Variants in RNF152 observed in about 807,000 individuals in gnomAD.
RNF152 encodes E3 ubiquitin-protein ligase RNF152.
RNF152 carries 11 observed loss-of-function variants against 12.7 expected under a neutral mutation model. The ratio of observed to expected loss-of-function variants is 0.86; its 90% CI spans 0.54 to 1.43. The LOEUF is 1.43. RNF152 is among the 40% of genes most tolerant of loss of function. RNF152 has a pLI of 0.00. For synonymous variants in RNF152, 113 were observed against 120.3 expected (o/e 0.94, Z 0.40); for missense variants, 255 against 274.8 (o/e 0.93, Z 0.51).
intron 1 of RNF152, among the ~76,000 whole-genome samples, chr18:61,858,434 C>T (rs2144710370): frequency 6.6e-6 from 1 of 152,210 alleles, no homozygotes; most frequent in East Asian, 1.9e-4. Context: ...CCTATCTCCC[C>T]TGCAACCGTA....
chr18:61,849,826 C>T (rs1247254364), intron 1 of RNF152, among the ~76,000 whole-genome samples: 1 of 152,120 alleles, frequency 6.6e-6, no homozygotes, highest in African/African-American at 2.4e-5. Flanking sequence ...CTCAGCCTCC[C>T]AAATTGCTGG....
intron 1 of RNF152, among the ~76,000 whole-genome samples, chr18:61,886,905 G>T (rs1023442447): frequency 5.9e-5 from 9 of 152,206 alleles, no homozygotes; most frequent in African/African-American, 1.4e-4. Context: ...GAGAACTTTG[G>T]ATTATAAAGA....
At chr18:61,869,281 G>C (rs1415578098) in intron 1 of RNF152, among the ~76,000 whole-genome samples, 1 of 152,104 alleles carries the variant, frequency 6.6e-6, no homozygotes, top group Non-Finnish European at 1.5e-5. Flanking sequence ...AAGCTGTCAG[G>C]GGTCTTCTTC....
chr18:61,820,782 A>T (rs1181767689), intron 1 of RNF152, among the ~76,000 whole-genome samples: 1 of 152,164 alleles, frequency 6.6e-6, no homozygotes, highest in Non-Finnish European at 1.5e-5. Flanking sequence ...TCTACATCAC[A>T]ATGTGGGAAG....
At chr18:61,838,696 C>A (rs969957277) in intron 1 of RNF152, among the ~76,000 whole-genome samples, 1 of 152,180 alleles carries the variant, frequency 6.6e-6, no homozygotes, top group Admixed American at 6.5e-5. Context: ...ATCAGGATGG[C>A]ACTAGAGGGC....
intron 1 of RNF152, chr18:61,887,960 C>T (rs1014710860): frequency 6.6e-6 from 1 of 152,180 alleles, no homozygotes; most frequent in Non-Finnish European, 1.5e-5. Context: ...TTCCTCATAA[C>T]TTTGCTCCCA....
chr18:61,819,953 G>A (rs1016128809), intron 1 of RNF152, among the ~76,000 whole-genome samples: 1 of 150,562 alleles, frequency 6.6e-6, no homozygotes, highest in Non-Finnish European at 1.5e-5. Context: ...CCCGGGAGGC[G>A]GAGATTGCAG....
At chr18:61,886,089 C>T (rs558085048) in intron 1 of RNF152, among the ~76,000 whole-genome samples, 2 of 148,564 alleles carry the variant, frequency 1.3e-5, no homozygotes, top group African/African-American at 2.5e-5. Flanking sequence ...AATCATGACC[C>T]TCATTGAGAA....
At chr18:61,839,496 A>C (rs1910346214) in intron 1 of RNF152, among the ~76,000 whole-genome samples, 1 of 152,230 alleles carries the variant, frequency 6.6e-6, no homozygotes, top group South Asian at 2.1e-4. Context: ...GAGCTATTAC[A>C]GAAGCAATGC....
intron 1 of RNF152, among the ~76,000 whole-genome samples, chr18:61,872,478 T>C (rs1251827326): frequency 6.6e-6 from 1 of 152,218 alleles, no homozygotes; most frequent in African/African-American, 2.4e-5. Context: ...CTTGAAAATG[T>C]CTGGTTAAAA....
intron 1 of RNF152, among the ~76,000 whole-genome samples, chr18:61,868,655 A>T (rs940933050): frequency 2.6e-5 from 4 of 152,146 alleles, no homozygotes; most frequent in Admixed American, 2.6e-4. Flanking sequence ...GTGAGCCAAG[A>T]TCACCCATTG....
At chr18:61,851,988 A>T (rs1911006353) in intron 1 of RNF152, among the ~76,000 whole-genome samples, 1 of 152,134 alleles carries the variant, frequency 6.6e-6, no homozygotes, top group African/African-American at 2.4e-5. Flanking sequence ...TCCCTATGAC[A>T]TATATGAGGC....
intron 1 of RNF152, among the ~76,000 whole-genome samples, chr18:61,867,569 T>C (rs1911796791): frequency 6.6e-6 from 1 of 152,144 alleles, no homozygotes; most frequent in Non-Finnish European, 1.5e-5. Context: ...GGTTGTTTTG[T>C]TTTTTATTTT....
chr18:61,833,912 A>G (rs2144654976), intron 1 of RNF152, among the ~76,000 whole-genome samples: 1 of 152,352 alleles, frequency 6.6e-6, no homozygotes, highest in East Asian at 1.9e-4. Flanking sequence ...CCACAAGATA[A>G]AATATCAGAT....
intron 1 of RNF152, among the ~76,000 whole-genome samples, chr18:61,831,414 C>T (rs1005451725): frequency 2.6e-5 from 4 of 152,136 alleles, no homozygotes; most frequent in Non-Finnish European, 1.5e-5. Context: ...AAAGCTTGCC[C>T]AGCACAGTAG....
chr18:61,831,277 C>G (rs934814766), intron 1 of RNF152, among the ~76,000 whole-genome samples: 2 of 152,346 alleles, frequency 1.3e-5, no homozygotes, highest in African/African-American at 4.8e-5. Flanking sequence ...CCCTCCCACT[C>G]TAAACCCTGG....
rs77604481 is a variant in RNF152 at position 61,818,149 on chromosome 18, G to A, written c.-135-1551C>T. Reference sequence around the variant, plus strand: ...TGCACCAAAAACCAACCTGGCCGGCGTGGGGGCTCACACCTGCAATCCCAG... The same window carrying A: ...TGCACCAAAAACCAACCTGGCCGGCATGGGGGCTCACACCTGCAATCCCAG... On this transcript the variant is annotated intron_variant, in intron 1 of 1. Transcript: ENST00000312828. Among the ~76,000 whole-genome samples the A allele has an allele frequency of 3.4e-3, 514 of 152,280 alleles. 1 individual carries two copies. Among genetic ancestry groups the A allele is most frequent in the Admixed American group, 7.8e-3 (119 of 15,296 alleles).
intron 1 of RNF152, among the ~76,000 whole-genome samples, chr18:61,850,340 T>C (rs757622154): frequency 8.5e-5 from 13 of 152,278 alleles, no homozygotes; most frequent in Non-Finnish European, 1.5e-4. Flanking sequence ...GAATGCAGAA[T>C]GCTATCATTA....
intron 1 of RNF152, among the ~76,000 whole-genome samples, chr18:61,851,320 C>T (rs1201130632): frequency 6.6e-6 from 1 of 152,104 alleles, no homozygotes; most frequent in Non-Finnish European, 1.5e-5. Flanking sequence ...TCTGCATAAA[C>T]ACTGCATCTA....
Sources: gnomAD v4.1 joint callset for allele counts (sites outside exome capture counted in the v4.1 genomes callset) on GRCh38, gnomAD v4.1.1 for gene constraint, MANE v1.5 for transcripts, NCBI Gene and HGNC (gene_info 2026-07-23, HGNC 2026-07-21) for gene names.